Variants in FPR3 observed in about 807,000 individuals in gnomAD.
The protein encoded by FPR3 is formyl peptide receptor 3, also known as N-formyl peptide receptor 3.
For synonymous variants in FPR3, 135 were observed against 163.6 expected (o/e 0.83, Z 1.34); for missense variants, 346 against 443.2 (o/e 0.78, Z 1.97).
In FPR3 at chr19:51,825,288, G is replaced by A. The variant is rs528161170; in HGVS notation, c.*478G>A. ...TGAAGAGGCACATAGGGCAAGGTAC[G>A]GGGTTCCACGCCCTCCCTGAGTGCA... On this transcript the variant is annotated 3_prime_UTR_variant, in exon 2 of 2. Transcript: ENST00000339223. The A allele has an allele frequency of 5.9e-5, 10 of 170,836 alleles. No individual in the cohort carries two copies. The highest frequency in any genetic ancestry group is 2.0e-4 in the South Asian group (1 of 5,048). 10.6% of individuals were successfully genotyped at this position (170,836 alleles called of 1,614,324 possible).
At chr19:51,801,870 T>G (rs1345273735) in intron 1 of FPR3, among the ~76,000 whole-genome samples, 1 of 152,176 alleles carries the variant, frequency 6.6e-6, no homozygotes, top group Non-Finnish European at 1.5e-5. Flanking sequence ...TAACTAAAAT[T>G]TTGAAAAATG....
intron 1 of FPR3, among the ~76,000 whole-genome samples, chr19:51,821,209 G>A (rs1009179052): frequency 8.5e-5 from 13 of 152,172 alleles, no homozygotes; most frequent in African/African-American, 3.1e-4. Context: ...GGAGAAAACT[G>A]AGGCTCAAAG....
intron 1 of FPR3, chr19:51,803,928 C>A (rs2084041120): frequency 6.6e-6 from 1 of 152,152 alleles, no homozygotes; most frequent in East Asian, 1.9e-4. Flanking sequence ...GGCTTTGAAG[C>A]TAAGTATTCT....
At chr19:51,818,650 G>A (rs1276628857) in intron 1 of FPR3, among the ~76,000 whole-genome samples, 1 of 152,160 alleles carries the variant, frequency 6.6e-6, no homozygotes, top group African/African-American at 2.4e-5. Context: ...AAACTCCAGA[G>A]GAAGATCATA....
chr19:51,824,331 A>T lies in FPR3; in HGVS notation c.583A>T (p.Ile195Phe), dbSNP rs763510705. The change falls in exon 2 of 2, where the codon ATT (isoleucine) becomes TTT (phenylalanine). Residue 195 changes from isoleucine (I) to phenylalanine (F), a missense_variant. By Grantham distance (21) the Ile-to-Phe change is conservative. Coordinates refer to ENST00000339223, the MANE Select transcript of FPR3 (RefSeq NM_002030.5). This position sits in a 1 kb window ranked among gnomAD's most constrained non-coding sequence, Gnocchi z 4.7. ...TGCTGTAGAGAGGTTGAACGTGTTCATTACCATGGCCAAGGTCTTTCTGAT... is the reference window on the plus strand; with the variant it reads ...TGCTGTAGAGAGGTTGAACGTGTTCTTTACCATGGCCAAGGTCTTTCTGAT... ...DTAVERLNVF[I>F]TMAKVFLILH... The T allele has an allele frequency of 1.3e-5, 21 of 1,614,050 alleles. No individual in the cohort carries two copies. The highest frequency in any genetic ancestry group is 3.3e-4 in the Middle Eastern group (2 of 6,082).
At chr19:51,821,705 G>A (rs996452033) in intron 1 of FPR3, among the ~76,000 whole-genome samples, 6 of 151,952 alleles carry the variant, frequency 3.9e-5, no homozygotes, top group Non-Finnish European at 7.4e-5. Flanking sequence ...GAGTTGCAAC[G>A]GTAGTGGCTC....
intron 1 of FPR3, among the ~76,000 whole-genome samples, chr19:51,819,155 A>G (rs929817314): frequency 6.6e-6 from 1 of 152,240 alleles, no homozygotes; most frequent in African/African-American, 2.4e-5. Context: ...CCAAATAGAT[A>G]CAGAATATTG....
Position 51,824,480 on chromosome 19 carries a change from T to C in FPR3, c.732T>C (p.Ala244=). 1 of 1,614,078 alleles carries C rather than the reference T, an allele frequency of 6.2e-7. No homozygotes were observed. The highest frequency in any genetic ancestry group is 8.5e-7 in the Non-Finnish European group (1 of 1,180,010). The change falls in exon 2 of 2, where the codon GCT becomes GCC. Residue 244 remains alanine (A), a synonymous_variant. Transcript: ENST00000339223. The surrounding 1 kb of genome is among the most constrained non-coding windows in gnomAD (Gnocchi z 4.7). The part of the protein sequence containing the change: ...IKSSRPLRVF[A]AVVASFFICW... ...CCAGCCGTCCCTTACGTGTCTTCGC[T>C]GCTGTGGTGGCTTCTTTCTTCATCT...
intron 1 of FPR3, among the ~76,000 whole-genome samples, chr19:51,821,826 A>G (rs2122490183): frequency 6.6e-6 from 1 of 151,818 alleles, no homozygotes; most frequent in East Asian, 1.9e-4. Context: ...TCCCTCTGGT[A>G]CAAAAAGGGG....
chr19:51,824,698 T>G lies in FPR3; in HGVS notation c.950T>G (p.Leu317Trp). The G allele has an allele frequency of 6.2e-7, 1 of 1,614,126 alleles. No individual in the cohort carries two copies. The highest frequency in any genetic ancestry group is 8.5e-7 in the Non-Finnish European group (1 of 1,180,004). Reference sequence around the variant, plus strand: ...TTCCAAGAAAGACTGATTCGCTCTTTGCCCACTAGTTTGGAGAGGGCCCTG... The same window carrying G: ...TTCCAAGAAAGACTGATTCGCTCTTGGCCCACTAGTTTGGAGAGGGCCCTG... ...RNFQERLIRS[L>W]PTSLERALTE... The change falls in exon 2 of 2, where the codon TTG becomes TGG. Residue 317 changes from leucine to tryptophan, a missense_variant. Coordinates refer to ENST00000339223, the MANE Select transcript of FPR3 (RefSeq NM_002030.5). The surrounding 1 kb of genome is among the most constrained non-coding windows in gnomAD (Gnocchi z 4.7).
chr19:51,817,205 T>C (rs1033568548), intron 1 of FPR3, among the ~76,000 whole-genome samples: 2 of 152,174 alleles, frequency 1.3e-5, no homozygotes, highest in African/African-American at 4.8e-5. Flanking sequence ...GCTCCATTGT[T>C]CCCTTGTCCT....
chr19:51,801,039 A>G lies in FPR3; in HGVS notation c.-11+5708A>G, dbSNP rs73934635. ...CCCTTTTACTCTTATCAACTAGGAC[A>G]GAAACTAAGAATTTTGGCTTCAAGT... On this transcript the variant is annotated intron_variant, in intron 1 of 1. Transcript: ENST00000339223. Among the ~76,000 whole-genome samples the G allele has an allele frequency of 3.7e-3, 560 of 152,306 alleles. 6 individuals carry two copies. The highest frequency in any genetic ancestry group is 0.013 in the African/African-American group (523 of 41,582).
At chr19:51,799,042 G>C (rs1244158931) in intron 1 of FPR3, among the ~76,000 whole-genome samples, 2 of 151,498 alleles carry the variant, frequency 1.3e-5, no homozygotes, top group Non-Finnish European at 1.5e-5. Flanking sequence ...AGGAGGCGAA[G>C]GTTGCAGTGA....
chr19:51,803,529 A>T (rs989415288), intron 1 of FPR3, among the ~76,000 whole-genome samples: 7 of 151,522 alleles, frequency 4.6e-5, no homozygotes, highest in Non-Finnish European at 1.0e-4. Flanking sequence ...AGTTCTGTGC[A>T]TTTCCAAGGC....
intron 1 of FPR3, chr19:51,811,672 G>A (rs2084097640): frequency 6.6e-6 from 1 of 152,144 alleles, no homozygotes; most frequent in African/African-American, 2.4e-5. Flanking sequence ...GATCCCTGGT[G>A]GACTGAACAA....
chr19:51,801,236 A>G (rs1227730812), intron 1 of FPR3, among the ~76,000 whole-genome samples: 1 of 152,114 alleles, frequency 6.6e-6, no homozygotes, highest in Non-Finnish European at 1.5e-5. Context: ...TTAATTTATG[A>G]AGAAACTTCT....
At chr19:51,822,745 G>T (rs2084199679) in intron 1 of FPR3, among the ~76,000 whole-genome samples, 2 of 152,196 alleles carry the variant, frequency 1.3e-5, no homozygotes, top group Admixed American at 1.3e-4. Context: ...CACAGACCTT[G>T]AAGATATACA....
chr19:51,806,857 T>C (rs1468403985), intron 1 of FPR3, among the ~76,000 whole-genome samples: 4 of 152,256 alleles, frequency 2.6e-5, no homozygotes, highest in Admixed American at 2.0e-4. Context: ...GCAGTTTCTA[T>C]GCGAATGGCT....
At position 51,823,628 on chromosome 19, in the gene FPR3, T is replaced by C. The variant is rs1338742568; in HGVS notation, c.-10-111T>C. ...TTTATGTTATAACCATTCACAAGGCTCACTGGGGAGGGTCTGCTGGTAGGA... is the reference window on the plus strand; with the variant it reads ...TTTATGTTATAACCATTCACAAGGCCCACTGGGGAGGGTCTGCTGGTAGGA... On this transcript the variant is annotated intron_variant, in intron 1 of 1. Coordinates refer to ENST00000339223, the MANE Select transcript of FPR3 (RefSeq NM_002030.5). 3 of 815,740 alleles carry C rather than the reference T, an allele frequency of 3.7e-6. No homozygotes were observed. The East Asian group carries it at 8.0e-5, about 22-fold the overall frequency. The allele number at this position is 815,740 out of a possible 1,614,324, so 50.5% of individuals were successfully genotyped here.
Sources: gnomAD v4.1 joint callset for allele counts (sites outside exome capture counted in the v4.1 genomes callset) on GRCh38, gnomAD v4.1.1 for gene constraint, Gnocchi (gnomAD v3.1) non-coding constraint, MANE v1.5 for transcripts, NCBI Gene and HGNC (gene_info 2026-07-23, HGNC 2026-07-21) for gene names.